Variants in ZCCHC17 observed in about 807,000 individuals in gnomAD.
ZCCHC17 encodes the protein zinc finger CCHC-type containing 17, also known as zinc finger CCHC domain-containing protein 17.
In ZCCHC17, 18 loss-of-function variants were observed where a neutral mutation model predicts 30.6. The ratio of observed to expected loss-of-function variants is 0.59; its 90% CI spans 0.41 to 0.87. ZCCHC17 has a LOEUF of 0.87. Ranked by LOEUF, ZCCHC17 falls within the 40% of genes least tolerant of loss-of-function variation. ZCCHC17 has a pLI of 0.00. For synonymous variants in ZCCHC17, 88 were observed against 92.4 expected (o/e 0.95, Z 0.27); for missense variants, 263 against 284.2 (o/e 0.93, Z 0.54).
chr1:31,318,338 A>G lies in ZCCHC17; in HGVS notation c.67-771A>G, dbSNP rs551548158. The G allele has an allele frequency of 7.1e-6, 7 of 982,042 alleles. No homozygotes were observed. The African/African-American group carries it at 8.1e-5, about 11-fold the overall frequency. The allele number at this position is 982,042 out of a possible 1,614,324, so 60.8% of individuals were successfully genotyped here. On this transcript the variant is annotated intron_variant, in intron 2 of 7. Coordinates refer to ENST00000344147, the MANE Select transcript of ZCCHC17 (RefSeq NM_016505.4). Reference sequence around the variant, plus strand: ...CGATCCACAGGTTGGGGGATGGGGTAGGCTACAGGGGGAAGAGAGAGCTAG... The same window carrying G: ...CGATCCACAGGTTGGGGGATGGGGTGGGCTACAGGGGGAAGAGAGAGCTAG...
At chr1:31,323,936 G>C (rs1003879964) in intron 3 of ZCCHC17, among the ~76,000 whole-genome samples, 5 of 151,852 alleles carry the variant, frequency 3.3e-5, no homozygotes, top group Non-Finnish European at 7.4e-5. Context: ...CATAAATTAT[G>C]TGCATCTGTT....
Position 31,348,659 on chromosome 1 carries a change from G to A in ZCCHC17, c.419-170G>A, listed in dbSNP as rs1639360055. On this transcript the variant is annotated intron_variant, in intron 6 of 7. Coordinates refer to ENST00000344147, the MANE Select transcript of ZCCHC17 (RefSeq NM_016505.4). ...GTCTGGCTGTGGTTGAGTGAGCAGT[G>A]TCATGTTGAGGTGGTAGAAAATCTA... Among the ~76,000 whole-genome samples, 6 of 152,200 alleles carry A rather than the reference G, an allele frequency of 3.9e-5. No homozygotes were observed. The South Asian group carries it at 1.2e-3, about 32-fold the overall frequency.
chr1:31,309,920 G>T, intron 1 of ZCCHC17, 124 bp from the exon 2 acceptor site: 1 of 492,174 alleles, frequency 2.0e-6, no homozygotes. Context: ...AAAGAGATTT[G>T]GATAAAAGTG....
At chr1:31,361,294 G>A (rs1639882844) in intron 7 of ZCCHC17, among the ~76,000 whole-genome samples, 1 of 152,218 alleles carries the variant, frequency 6.6e-6, no homozygotes. Context: ...CTTGTCTCCT[G>A]TAGATGCTTG....
At chr1:31,324,750 G>C (rs923040902) in intron 3 of ZCCHC17, among the ~76,000 whole-genome samples, 5 of 152,328 alleles carry the variant, frequency 3.3e-5, no homozygotes, top group African/African-American at 1.2e-4. Flanking sequence ...GGTGCTGAGG[G>C]TGGCTCAGCA....
intron 1 of ZCCHC17, among the ~76,000 whole-genome samples, chr1:31,309,348 C>T (rs370125800): frequency 1.3e-5 from 2 of 152,026 alleles, no homozygotes; most frequent in East Asian, 3.9e-4. Flanking sequence ...AGATGGAGTT[C>T]GCTCTGTTCC....
intron 3 of ZCCHC17, among the ~76,000 whole-genome samples, chr1:31,320,816 G>T (rs1646843047): frequency 3.3e-5 from 5 of 152,086 alleles, no homozygotes; most frequent in African/African-American, 1.2e-4. Context: ...GAAATACTGG[G>T]TCATATGATA....
chr1:31,316,825 T>C (rs1282669304), intron 2 of ZCCHC17, among the ~76,000 whole-genome samples: 2 of 152,186 alleles, frequency 1.3e-5, no homozygotes, highest in African/African-American at 4.8e-5. Flanking sequence ...TTAGAACTTT[T>C]GGTTCGTAAC....
intron 3 of ZCCHC17, among the ~76,000 whole-genome samples, chr1:31,332,452 G>C (rs965886715): frequency 6.6e-6 from 1 of 151,660 alleles, no homozygotes; most frequent in African/African-American, 2.4e-5. Flanking sequence ...GTTTCCTTTT[G>C]GTCTATGTCC....
chr1:31,302,584 C>T lies in ZCCHC17; in HGVS notation c.-56+5509C>T, dbSNP rs186966063. Among the ~76,000 whole-genome samples the T allele has an allele frequency of 3.2e-4, 49 of 152,202 alleles. 1 individual carries two copies. The highest frequency in any genetic ancestry group is 1.9e-4 in the East Asian group (1 of 5,180). ...TATTCTACAAAATTTAGATTTAGACCGTGTATTAGCCCATTTTCACACTGC... is the reference window on the plus strand; with the variant it reads ...TATTCTACAAAATTTAGATTTAGACTGTGTATTAGCCCATTTTCACACTGC... On this transcript the variant is annotated intron_variant, in intron 1 of 7. Transcript: ENST00000344147.
intron 2 of ZCCHC17, among the ~76,000 whole-genome samples, chr1:31,318,601 G>A (rs976969354): frequency 6.6e-6 from 1 of 152,158 alleles, no homozygotes; most frequent in Non-Finnish European, 1.5e-5. Context: ...GGAGTTAAAT[G>A]TAACAGGCTG....
At chr1:31,320,762 T>C (rs1389847585) in intron 3 of ZCCHC17, among the ~76,000 whole-genome samples, 1 of 152,226 alleles carries the variant, frequency 6.6e-6, no homozygotes, top group East Asian at 1.9e-4. Context: ...GTGTACAACT[T>C]TTTGTGTGGA....
intron 7 of ZCCHC17, among the ~76,000 whole-genome samples, chr1:31,360,859 G>T (rs4949391): frequency 0.24 from 36,279 of 152,084 alleles, 5,062 homozygotes; most frequent in African/African-American, 0.38. Context: ...AACTCATGAA[G>T]TTTGACTCTA....
intron 5 of ZCCHC17, among the ~76,000 whole-genome samples, chr1:31,340,564 G>A (rs954215977): frequency 4.6e-5 from 7 of 152,094 alleles, no homozygotes; most frequent in African/African-American, 1.7e-4. Flanking sequence ...TGATCTGCCC[G>A]TCTCGGCCTC....
At chr1:31,337,966 A>G (rs1016092636) in intron 4 of ZCCHC17, among the ~76,000 whole-genome samples, 1 of 151,950 alleles carries the variant, frequency 6.6e-6, no homozygotes. Flanking sequence ...ATATAAGTAG[A>G]GACAATTTTT....
rs1472160219 is a variant in ZCCHC17, at chr1:31,364,202, A to G, written c.*9A>G. ...AGAAGCACAAGGAGTGAGAGTATAA[A>G]GAGTGTAGGGGGTGGTTGAGAGTAA... is the stretch of plus-strand genomic sequence containing the variant. On this transcript the variant is annotated 3_prime_UTR_variant, in exon 8 of 8. Transcript: ENST00000344147. The G allele has an allele frequency of 6.2e-7, 1 of 1,611,468 alleles. No homozygotes were observed. Among genetic ancestry groups the G allele is most frequent in the Admixed American group, 1.7e-5 (1 of 59,646 alleles).
chr1:31,352,791 G>A (rs751401600), intron 7 of ZCCHC17, among the ~76,000 whole-genome samples: 13 of 152,216 alleles, frequency 8.5e-5, no homozygotes, highest in Admixed American at 3.3e-4. Context: ...TTTATTTTTG[G>A]TGAACACTTG....
intron 4 of ZCCHC17, 70 bp downstream of exon 4, chr1:31,337,345 A>G: frequency 7.5e-7 from 1 of 1,331,834 alleles, no homozygotes. Context: ...ATATTTTATG[A>G]TAGTGAGTGT....
chr1:31,346,900 G>A (rs1326121354), intron 6 of ZCCHC17, 160 bp downstream of exon 6: 2 of 1,441,006 alleles, frequency 1.4e-6, no homozygotes, highest in African/African-American at 1.4e-5. Flanking sequence ...AGTTCATGGG[G>A]TGATACATTT....
Sources: gnomAD v4.1 joint callset for allele counts (sites outside exome capture counted in the v4.1 genomes callset) on GRCh38, gnomAD v4.1.1 for gene constraint, MANE v1.5 for transcripts, NCBI Gene and HGNC (gene_info 2026-07-23, HGNC 2026-07-21) for gene names.